The following HIPK3 variants were observed in gnomAD, a reference collection of about 807,000 sequenced individuals.
The protein encoded by HIPK3 is homeodomain-interacting protein kinase 3.
In HIPK3, 47 loss-of-function variants were observed where a neutral mutation model predicts 124.2. That is an observed-to-expected ratio of 0.38 (90% confidence interval 0.30 to 0.48). The LOEUF is 0.48. HIPK3 is among the 20% of genes least tolerant of loss of function. The pLI is 0.98. For synonymous variants in HIPK3, 482 were observed against 515.2 expected (o/e 0.94, Z 0.87); for missense variants, 1,286 against 1,454.3 (o/e 0.88, Z 1.88).
At chr11:33,341,886 G>A (rs988388486) in intron 8 of HIPK3, among the ~76,000 whole-genome samples, 200 bp downstream of exon 8, 6 of 152,012 alleles carry the variant, frequency 3.9e-5, no homozygotes, top group African/African-American at 1.4e-4. Flanking sequence ...GATCACTTGA[G>A]GCCAGGAGTT....
Position 33,353,560 on chromosome 11 carries a change from T to C in HIPK3, c.3640T>C (p.Tyr1214His). 6.3e-7 allele frequency: 1 copy of C among 1,587,438 alleles called. No homozygotes were observed. Among genetic ancestry groups the C allele is most frequent in the Non-Finnish European group, 8.7e-7 (1 of 1,155,762 alleles). ...TCCAACAAAACTCAGCCAGTATCCATATATGTGAAAAACAGTATATTGGGG... is the reference window on the plus strand; with the variant it reads ...TCCAACAAAACTCAGCCAGTATCCACATATGTGAAAAACAGTATATTGGGG... ...LSPTKLSQYP[Y>H]M The change falls in exon 17 of 17, where the codon TAT becomes CAT. Residue 1214 changes from tyrosine (Y) to histidine (H), a missense_variant. Tyr to His is a moderately conservative substitution (Grantham distance 83). Transcript: ENST00000303296.
intron 2 of HIPK3, among the ~76,000 whole-genome samples, chr11:33,303,628 A>G (rs1280051200): frequency 2.0e-5 from 3 of 152,208 alleles, no homozygotes; most frequent in Non-Finnish European, 4.4e-5. Context: ...CCGACCTCAC[A>G]CACTTCAAAA....
In HIPK3 at chr11:33,353,378, A is replaced by G; in HGVS notation, c.3458A>G (p.Asn1153Ser). ...CCTATGTTACAGCATCCAACTTATA[A>G]TATCTCCCATCCCAGTGGCATAGTT... is the stretch of plus-strand genomic sequence containing the variant. ...SRPMLQHPTY[N>S]ISHPSGIVHQ... Residue 1153 changes from asparagine to serine, a missense_variant, in exon 17 of 17, where the codon AAT becomes AGT. This residue lies in a region of HIPK3 where 810 missense variants were observed against 864.9 expected (regional missense o/e 0.94). Coordinates refer to ENST00000303296, the MANE Select transcript of HIPK3 (RefSeq NM_005734.5). 1.9e-6 allele frequency: 3 copies of G among 1,614,078 alleles called. No homozygotes were observed. Among genetic ancestry groups the G allele is most frequent in the South Asian group, 2.2e-5 (2 of 91,076 alleles).
At chr11:33,346,281 T>G (rs114852175) in intron 8 of HIPK3, among the ~76,000 whole-genome samples, 1,827 of 152,268 alleles carry the variant, frequency 0.012, 40 homozygotes, top group African/African-American at 0.041. Flanking sequence ...GCTTTCTAAT[T>G]TTCCTAGTGG....
rs888953921 is a variant in HIPK3 at position 33,290,416 on chromosome 11, GT to G, written c.1097+2912del. ...CAGTATGAGAAGAATAGTAGTTTTT[GT>G]TTTTTTCTTTCCCTTGGTACTCTAT... On this transcript the variant is annotated intron_variant, in intron 2 of 16. Coordinates refer to ENST00000303296, the MANE Select transcript of HIPK3 (RefSeq NM_005734.5). 5.9e-5 allele frequency among the ~76,000 whole-genome samples: 9 copies of G among 151,686 alleles called. No individual in the cohort carries two copies. The East Asian group carries it at 1.6e-3, about 26-fold the overall frequency.
intron 2 of HIPK3, among the ~76,000 whole-genome samples, chr11:33,309,401 C>A (rs1269184268): frequency 2.6e-5 from 4 of 152,254 alleles, no homozygotes; most frequent in African/African-American, 9.6e-5. Flanking sequence ...AGGTGTGTCA[C>A]CACACCCAGC....
At chr11:33,289,411 C>T (rs146612608) in intron 2 of HIPK3, among the ~76,000 whole-genome samples, 1 of 152,114 alleles carries the variant, frequency 6.6e-6, no homozygotes, top group East Asian at 1.9e-4. Context: ...TGCCACTGCA[C>T]TCCAGCCTGA....
intron 2 of HIPK3, among the ~76,000 whole-genome samples, chr11:33,290,424 C>G (rs1013233007): frequency 6.0e-5 from 9 of 150,544 alleles, no homozygotes; most frequent in African/African-American, 2.0e-4. Flanking sequence ...TTGTTTTTTT[C>G]TTTCCCTTGG....
At chr11:33,265,635 A>G (rs1850934155) in intron 1 of HIPK3, among the ~76,000 whole-genome samples, 2 of 151,922 alleles carry the variant, frequency 1.3e-5, no homozygotes, top group Non-Finnish European at 2.9e-5. Context: ...CTAGCTGGGC[A>G]TGGTGGTGTG....
intron 1 of HIPK3, chr11:33,258,233 A>C: frequency 3.1e-5 from 15 of 481,806 alleles, no homozygotes; most frequent in South Asian, 9.5e-5. Context: ...AAGGTTGCGC[A>C]ACGGCTCTTC....
intron 2 of HIPK3, among the ~76,000 whole-genome samples, chr11:33,298,549 T>C (rs1037456328): frequency 6.6e-6 from 1 of 152,240 alleles, no homozygotes; most frequent in African/African-American, 2.4e-5. Flanking sequence ...CTCTGATGCA[T>C]CTGGGCAAAG....
chr11:33,343,406 A>G (rs1312588178), intron 8 of HIPK3, among the ~76,000 whole-genome samples: 4 of 151,692 alleles, frequency 2.6e-5, no homozygotes, highest in African/African-American at 4.8e-5. Context: ...CAGCCTCCCA[A>G]GTAGCTGGGG....
intron 1 of HIPK3, among the ~76,000 whole-genome samples, chr11:33,267,044 A>G (rs1850985038): frequency 6.6e-6 from 1 of 151,994 alleles, no homozygotes; most frequent in Admixed American, 6.6e-5. Context: ...TTTCTCCTAA[A>G]TTTAGAATGT....
In HIPK3 at chr11:33,257,545, C is replaced by G; in HGVS notation, c.-347C>G. 1 of 985,606 alleles carries G rather than the reference C, an allele frequency of 1.0e-6. No homozygotes were observed. The highest frequency in any genetic ancestry group is 1.2e-6 in the Non-Finnish European group (1 of 830,074). 61.1% of individuals were successfully genotyped at this position (985,606 alleles called of 1,614,324 possible). ...CGTGGGCCCCGCACCCTGCGTCGCC[C>G]GTAGGCCCCAGTAGCCGGAGGCCGA... On this transcript the variant is annotated 5_prime_UTR_variant, in exon 1 of 17. Transcript: ENST00000303296.
At chr11:33,321,211 C>A (rs1303030145) in intron 2 of HIPK3, among the ~76,000 whole-genome samples, 2 of 152,050 alleles carry the variant, frequency 1.3e-5, no homozygotes, top group African/African-American at 4.8e-5. Flanking sequence ...AGATTGAGGA[C>A]GTAGCGAATG....
At position 33,270,557 on chromosome 11, in the gene HIPK3, T is replaced by C. The variant is rs113506949; in HGVS notation, c.-3+12668T>C. On this transcript the variant is annotated intron_variant, in intron 1 of 16. Coordinates refer to ENST00000303296, the MANE Select transcript of HIPK3 (RefSeq NM_005734.5). ...TGTGTAACAACTGTATGAAACTGCTTATTACAACTTTATATGAACAGTGAA... is the reference window on the plus strand; with the variant it reads ...TGTGTAACAACTGTATGAAACTGCTCATTACAACTTTATATGAACAGTGAA... 2.4e-3 allele frequency among the ~76,000 whole-genome samples: 369 copies of C among 152,316 alleles called. 1 individual carries two copies. The highest frequency in any genetic ancestry group is 8.3e-3 in the African/African-American group (346 of 41,564).
chr11:33,307,696 G>A (rs909257929), intron 2 of HIPK3, among the ~76,000 whole-genome samples: 4 of 151,654 alleles, frequency 2.6e-5, no homozygotes, highest in East Asian at 1.9e-4. Context: ...GTGAACCACC[G>A]TGCCTGGCCT....
intron 8 of HIPK3, among the ~76,000 whole-genome samples, chr11:33,343,465 G>A (rs1456289180): frequency 1.3e-5 from 2 of 151,712 alleles, no homozygotes; most frequent in Non-Finnish European, 2.9e-5. Context: ...TTTTTAGTAT[G>A]TACAGGGTTT....
rs1853727335 is a variant in HIPK3, at chr11:33,353,353, C to T, written c.3433C>T (p.Pro1145Ser). ...GTTAGCCTCTCCGTGTACCTCAAGA[C>T]CTATGTTACAGCATCCAACTTATAA... Reference protein sequence around the residue: ...HLLASPCTSRPMLQHPTYNIS... With the variant: ...HLLASPCTSRSMLQHPTYNIS... The change falls in exon 17 of 17, where the codon CCT (proline) becomes TCT (serine). Residue 1145 changes from proline to serine, a missense_variant. Around this residue, in one of 3 missense-constraint regions of HIPK3, gnomAD observed 810 missense variants for 864.9 expected, o/e 0.94. Coordinates refer to ENST00000303296, the MANE Select transcript of HIPK3 (RefSeq NM_005734.5). The T allele has an allele frequency of 6.2e-7, 1 of 1,614,036 alleles. No homozygotes were observed. The highest frequency in any genetic ancestry group is 1.1e-5 in the South Asian group (1 of 91,084).
Sources: gnomAD v4.1 joint callset for allele counts (sites outside exome capture counted in the v4.1 genomes callset) on GRCh38, gnomAD v4.1.1 for gene constraint, gnomAD v4.1.1 regional missense constraint, MANE v1.5 for transcripts, NCBI Gene and HGNC (gene_info 2026-07-23, HGNC 2026-07-21) for gene names.